The following NUBPL variants were observed in gnomAD, a reference collection of about 807,000 sequenced individuals.
NUBPL encodes NUBP iron-sulfur cluster assembly factor, mitochondrial.
Under a neutral mutation model 45.7 loss-of-function variants are expected in NUBPL, and 31 were observed. The ratio of observed to expected loss-of-function variants is 0.68; its 90% CI spans 0.51 to 0.92. The LOEUF is 0.92. Ranked by LOEUF, NUBPL falls within the 40% of genes least tolerant of loss-of-function variation. The probability of loss-of-function intolerance (pLI) is 0.00; values close to 1 mark genes in which losing one functional copy is unlikely to be tolerated. For synonymous variants in NUBPL, 144 were observed against 140.9 expected, an observed-to-expected ratio of 1.02 and a Z score of -0.15; for missense variants, 401 against 398.7, an observed-to-expected ratio of 1.01 and a Z score of -0.05.
At chr14:31,780,991 A>C (rs1381433503) in intron 6 of NUBPL, among the ~76,000 whole-genome samples, 6 of 152,232 alleles carry the variant, frequency 3.9e-5, no homozygotes, top group African/African-American at 7.2e-5. Flanking sequence ...TTAATCATTT[A>C]AAATCTCTGT....
chr14:31,627,321 A>G (rs2035229939), intron 4 of NUBPL, among the ~76,000 whole-genome samples: 1 of 152,178 alleles, frequency 6.6e-6, no homozygotes, highest in Non-Finnish European at 1.5e-5. Flanking sequence ...AGAGTGTTGT[A>G]TAATGATTTT....
At position 31,761,051 on chromosome 14, in the gene NUBPL, C is replaced by T. The variant is rs144736536; in HGVS notation, c.514-26729C>T. ...TTCTCATAGGAAAAAGGTTTGTTAC[C>T]AAGATATTTGAAATATTACACTTTG... On this transcript the variant is annotated intron_variant, in intron 6 of 10. Transcript: ENST00000281081. Among the ~76,000 whole-genome samples, 2 of 152,062 alleles carry T rather than the reference C, an allele frequency of 1.3e-5. 1 individual carries two copies. The highest frequency in any genetic ancestry group is 4.8e-5 in the African/African-American group (2 of 41,482).
chr14:31,583,043 A>G (rs1186576309), intron 3 of NUBPL, among the ~76,000 whole-genome samples: 3 of 152,214 alleles, frequency 2.0e-5, no homozygotes. Context: ...TCCTTGAGTT[A>G]GGGCACTGAC....
Position 31,716,019 on chromosome 14 carries a change from A to T in NUBPL, c.513+42445A>T, listed in dbSNP as rs1161195409. On this transcript the variant is annotated intron_variant, in intron 6 of 10. Transcript: ENST00000281081. ...AATTTTTTTTTCTTTTACTTAAAAA[A>T]TTTTTTTTGGTCAAAAACTTAGACA... Among the ~76,000 whole-genome samples, 7 of 151,472 alleles carry T rather than the reference A, an allele frequency of 4.6e-5. No individual in the cohort carries two copies. The South Asian group carries it at 6.3e-4, about 14-fold the overall frequency.
chr14:31,729,280 C>A (rs539403372), intron 6 of NUBPL, among the ~76,000 whole-genome samples: 32 of 133,926 alleles, frequency 2.4e-4, no homozygotes, highest in African/African-American at 8.4e-4. Flanking sequence ...CTCCATCCCC[C>A]CCCCCCCCAA....
At chr14:31,680,509 T>C (rs562160084) in intron 6 of NUBPL, among the ~76,000 whole-genome samples, 48 of 152,226 alleles carry the variant, frequency 3.2e-4, no homozygotes, top group Middle Eastern at 3.4e-3. Flanking sequence ...CTTTATTCTT[T>C]TTAATTTGGT....
At chr14:31,657,666 G>A (rs903071445) in intron 4 of NUBPL, among the ~76,000 whole-genome samples, 3 of 152,136 alleles carry the variant, frequency 2.0e-5, no homozygotes, top group Non-Finnish European at 4.4e-5. Context: ...TATAACAAGT[G>A]TAATTTTGTG....
chr14:31,842,962 A>G (rs1006849401), intron 8 of NUBPL, among the ~76,000 whole-genome samples: 5 of 152,178 alleles, frequency 3.3e-5, no homozygotes, highest in Non-Finnish European at 5.9e-5. Flanking sequence ...TTACACCTCT[A>G]TATCAGCCAA....
chr14:31,801,139 G>T (rs2039581439), intron 7 of NUBPL: 1 of 152,394 alleles, frequency 6.6e-6, no homozygotes, highest in Non-Finnish European at 1.5e-5. Flanking sequence ...TATGGCTCTT[G>T]CCAGAACTGC....
intron 6 of NUBPL, among the ~76,000 whole-genome samples, chr14:31,775,270 T>G (rs1359813823): frequency 6.6e-6 from 1 of 151,856 alleles, no homozygotes; most frequent in African/African-American, 2.4e-5. Context: ...ATACAAAAAT[T>G]AGTTAGGCAT....
chr14:31,610,608 C>CAAAAAAAAAAAAAAAAAAAA (rs775656176), intron 4 of NUBPL, among the ~76,000 whole-genome samples: 41 of 94,694 alleles, frequency 4.3e-4, no homozygotes, highest in Non-Finnish European at 6.1e-4. Context: ...AAAGATACAT[C>CAAAAAAAAAAAAAAAAAAAA]AAAAAAAAAA....
rs555179645 is a variant in NUBPL at position 31,807,774 on chromosome 14, T to C, written c.608-18855T>C. 2.6e-5 allele frequency among the ~76,000 whole-genome samples: 4 copies of C among 152,364 alleles called. No individual in the cohort carries two copies. The East Asian group carries it at 5.8e-4, about 22-fold the overall frequency. On this transcript the variant is annotated intron_variant, in intron 7 of 10. Coordinates refer to ENST00000281081, the MANE Select transcript of NUBPL (RefSeq NM_025152.3). ...GTTTTAGGTCTAACATTTAAGTCTT[T>C]AATCCATCTTGAATTAATTTTTGTA... is the stretch of plus-strand genomic sequence containing the variant.
Position 31,826,616 on chromosome 14 carries a change from T to A in NUBPL, c.608-13T>A, listed in dbSNP as rs1319921154. On this transcript the variant is annotated splice_polypyrimidine_tract_variant and intron_variant, in intron 7 of 10. Transcript: ENST00000281081. ...AATTAAAAGATAATAGTATTTTGTT[T>A]ATCTTTGGCTAGGTGCTGTGATTGT... 2 of 1,612,108 alleles carry A rather than the reference T, an allele frequency of 1.2e-6. No individual in the cohort carries two copies. Among genetic ancestry groups the A allele is most frequent in the Non-Finnish European group, 1.7e-6 (2 of 1,178,280 alleles).
intron 10 of NUBPL, among the ~76,000 whole-genome samples, chr14:31,851,643 A>G (rs1458063514): frequency 3.9e-5 from 6 of 152,196 alleles, no homozygotes; most frequent in Non-Finnish European, 2.9e-5. Context: ...AGCTAAGCAA[A>G]AAACCATAAT....
Position 31,615,465 on chromosome 14 carries a change from A to G in NUBPL, c.382+16086A>G, listed in dbSNP as rs530849172. 2.0e-5 allele frequency among the ~76,000 whole-genome samples: 3 copies of G among 152,080 alleles called. No individual in the cohort carries two copies. The East Asian group carries it at 5.8e-4, about 29-fold the overall frequency. On this transcript the variant is annotated intron_variant, in intron 4 of 10. Coordinates refer to ENST00000281081, the MANE Select transcript of NUBPL (RefSeq NM_025152.3). ...ACCCTAGCCCCCCCAACTCACTGAC[A>G]GGCCCTAGTGTGTGATGTTCCCCTC... is the stretch of plus-strand genomic sequence containing the variant.
At chr14:31,626,338 C>T (rs2035206438) in intron 4 of NUBPL, among the ~76,000 whole-genome samples, 1 of 152,006 alleles carries the variant, frequency 6.6e-6, no homozygotes, top group African/African-American at 2.4e-5. Flanking sequence ...GACGGGTTCA[C>T]CATGTTGATC....
chr14:31,572,960 A>G (rs2033628041), intron 3 of NUBPL, among the ~76,000 whole-genome samples: 1 of 152,234 alleles, frequency 6.6e-6, no homozygotes, highest in African/African-American at 2.4e-5. Context: ...AATATAGTAT[A>G]AAAGATACAA....
chr14:31,829,967 G>A (rs2040163999), intron 8 of NUBPL, among the ~76,000 whole-genome samples: 2 of 152,004 alleles, frequency 1.3e-5, no homozygotes, highest in Non-Finnish European at 2.9e-5. Context: ...AGTAATTTAT[G>A]TGTTGTGTCA....
intron 4 of NUBPL, among the ~76,000 whole-genome samples, chr14:31,631,888 C>T (rs757144279): frequency 1.3e-5 from 2 of 152,132 alleles, no homozygotes; most frequent in Non-Finnish European, 1.5e-5. Context: ...TCCTCACAGA[C>T]ACACCCAGAA....
Sources: allele counts gnomAD v4.1 joint callset (sites outside exome capture counted in the v4.1 genomes callset), GRCh38; gene constraint gnomAD v4.1.1; transcripts MANE v1.5; gene names NCBI Gene and HGNC (gene_info 2026-07-23, HGNC 2026-07-21).